The following DLG2 variants were observed in gnomAD, a reference collection of about 807,000 sequenced individuals.
The protein encoded by DLG2 is disks large homolog 2.
DLG2 carries 45 observed loss-of-function variants against 132.5 expected under a neutral mutation model. That is an observed-to-expected ratio of 0.34 (90% CI 0.27 to 0.44). The LOEUF is 0.44. DLG2 is among the 20% of genes least tolerant of loss of function. The pLI is 1.00. For missense variants in DLG2, 1,045 were observed against 1,196.9 expected, an observed-to-expected ratio of 0.87 and a Z score of 1.87; for synonymous variants, 424 against 419.6, an observed-to-expected ratio of 1.01 and a Z score of -0.13.
At chr11:84,022,490 T>C (rs933481300) in intron 11 of DLG2, among the ~76,000 whole-genome samples, 2 of 152,138 alleles carry the variant, frequency 1.3e-5, no homozygotes, top group African/African-American at 2.4e-5. Context: ...CTCTCTTCTA[T>C]AGAAACAAAA....
intron 6 of DLG2, among the ~76,000 whole-genome samples, chr11:84,956,284 C>G (rs1422293108): frequency 1.3e-5 from 2 of 152,084 alleles, no homozygotes; most frequent in Admixed American, 1.3e-4. Flanking sequence ...AAGAGAGAAG[C>G]AATACCAAAT....
intron 3 of DLG2, among the ~76,000 whole-genome samples, chr11:85,483,294 G>C (rs1405193277): frequency 1.3e-5 from 2 of 152,198 alleles, no homozygotes; most frequent in Non-Finnish European, 2.9e-5. Flanking sequence ...GGCCAAGAGA[G>C]AGTGAGATGA....
intron 4 of DLG2, among the ~76,000 whole-genome samples, chr11:85,241,864 T>C (rs921174168): frequency 1.3e-5 from 2 of 151,968 alleles, no homozygotes; most frequent in African/African-American, 4.8e-5. Context: ...TTACAAAACA[T>C]CTCTGTTTTA....
chr11:85,524,966 G>T (rs2074630880), intron 3 of DLG2: 1 of 152,024 alleles, frequency 6.6e-6, no homozygotes, highest in Admixed American at 6.6e-5. Context: ...GGGAATACTG[G>T]CATACATTTG....
Position 83,682,539 on chromosome 11 carries a change from C to T in DLG2, c.1826-49214G>A, listed in dbSNP as rs567177120. The T allele has an allele frequency of 1.1e-4, 84 of 793,288 alleles. No individual in the cohort carries two copies. In the African/African-American group the frequency reaches 1.5e-3, roughly 14 times the overall value. 49.1% of individuals were successfully genotyped at this position (793,288 alleles called of 1,614,324 possible). Reference sequence around the variant, plus strand: ...CCCATCCTCTGCTCGTGTTCCCCTACACCTTGTTAAGGTGGATCCACCCAG... The same window carrying T: ...CCCATCCTCTGCTCGTGTTCCCCTATACCTTGTTAAGGTGGATCCACCCAG... On this transcript the variant is annotated intron_variant, in intron 18 of 27. Coordinates refer to ENST00000376104, the MANE Select transcript of DLG2 (RefSeq NM_001142699.3).
At chr11:84,014,124 T>A (rs929356176) in intron 11 of DLG2, among the ~76,000 whole-genome samples, 1 of 152,126 alleles carries the variant, frequency 6.6e-6, no homozygotes, top group Non-Finnish European at 1.5e-5. Flanking sequence ...TTTATCTCCC[T>A]TTAACTTGTT....
intron 3 of DLG2, among the ~76,000 whole-genome samples, chr11:85,366,040 A>G (rs924090679): frequency 6.6e-6 from 1 of 152,162 alleles, no homozygotes; most frequent in African/African-American, 2.4e-5. Context: ...ACAAACCTGC[A>G]TGTTCTGCAC....
chr11:85,063,441 T>C (rs1001368128), intron 6 of DLG2, among the ~76,000 whole-genome samples: 14 of 151,840 alleles, frequency 9.2e-5, no homozygotes, highest in Admixed American at 9.2e-4. Context: ...GAGCAGTAAA[T>C]CTTCTACACA....
chr11:84,157,049 T>C (rs907787988), intron 9 of DLG2, among the ~76,000 whole-genome samples: 3 of 152,154 alleles, frequency 2.0e-5, no homozygotes, highest in African/African-American at 4.8e-5. Flanking sequence ...TAGGTCTCTT[T>C]AGCTATTTTT....
chr11:83,738,807 CTTG>C (rs946995881), intron 18 of DLG2, among the ~76,000 whole-genome samples: 5 of 152,136 alleles, frequency 3.3e-5, no homozygotes, highest in Non-Finnish European at 7.4e-5. Flanking sequence ...ATGATGGGTC[CTTG>C]TTGTCTGCCA....
At position 84,669,803 on chromosome 11, in the gene DLG2, C is replaced by T. The variant is rs1277553262; in HGVS notation, c.358-135072G>A. On this transcript the variant is annotated intron_variant, in intron 6 of 27. Coordinates refer to ENST00000376104, the MANE Select transcript of DLG2 (RefSeq NM_001142699.3). ...TTTAGGCTTGGACTCCTAAGTACCT[C>T]CTTGGAGATCCTCCATGACCTCTCC... Among the ~76,000 whole-genome samples, 4 of 152,132 alleles carry T rather than the reference C, an allele frequency of 2.6e-5. No individual in the cohort carries two copies. The East Asian group carries it at 7.7e-4, about 29-fold the overall frequency.
At chr11:85,618,999 T>C (rs2081524740) in intron 2 of DLG2, among the ~76,000 whole-genome samples, 1 of 152,220 alleles carries the variant, frequency 6.6e-6, no homozygotes, top group African/African-American at 2.4e-5. Flanking sequence ...AATTAACAGA[T>C]CATTTTATCT....
chr11:85,614,331 T>A (rs72955945), intron 2 of DLG2, among the ~76,000 whole-genome samples: 40,939 of 138,756 alleles, frequency 0.3, 5,798 homozygotes, highest in South Asian at 0.41. Context: ...TTTTTTTTTT[T>A]TAAAAATTAA....
At chr11:84,677,847 C>T (rs1030973744) in intron 6 of DLG2, among the ~76,000 whole-genome samples, 2 of 152,028 alleles carry the variant, frequency 1.3e-5, no homozygotes, top group Non-Finnish European at 2.9e-5. Flanking sequence ...TATGACAGCC[C>T]TACTGCACTC....
intron 18 of DLG2, among the ~76,000 whole-genome samples, chr11:83,674,066 G>A (rs758589473): frequency 5.3e-5 from 8 of 152,104 alleles, no homozygotes; most frequent in East Asian, 1.9e-4. Context: ...AATTGTAGCC[G>A]TAAGTTCTTT....
At chr11:83,511,451 G>A (rs1316808959) in intron 21 of DLG2, among the ~76,000 whole-genome samples, 1 of 152,140 alleles carries the variant, frequency 6.6e-6, no homozygotes, top group African/African-American at 2.4e-5. Context: ...CCTAGTAGAA[G>A]ATAATTTATT....
intron 6 of DLG2, among the ~76,000 whole-genome samples, chr11:85,078,475 A>T (rs1347270273): frequency 6.6e-6 from 1 of 151,882 alleles, no homozygotes; most frequent in East Asian, 1.9e-4. Flanking sequence ...AGTGAAGGAA[A>T]AGGGAAAGTA....
At chr11:83,902,771 G>C (rs995577106) in intron 15 of DLG2, among the ~76,000 whole-genome samples, 1 of 152,114 alleles carries the variant, frequency 6.6e-6, no homozygotes, top group African/African-American at 2.4e-5. Context: ...AATATGAAGA[G>C]ATTCAGTTTC....
At chr11:84,597,744 T>C (rs1270769400) in intron 6 of DLG2, among the ~76,000 whole-genome samples, 1 of 152,184 alleles carries the variant, frequency 6.6e-6, no homozygotes, top group African/African-American at 2.4e-5. Flanking sequence ...TCTGAATCCA[T>C]TGATCAATTA....
Sources: allele counts gnomAD v4.1 joint callset (sites outside exome capture counted in the v4.1 genomes callset), GRCh38; gene constraint gnomAD v4.1.1; transcripts MANE v1.5; gene names NCBI Gene and HGNC (gene_info 2026-07-23, HGNC 2026-07-21).